Variants in GRM8 observed in about 807,000 individuals in gnomAD.
GRM8 encodes the protein glutamate metabotropic receptor 8.
In GRM8, 47 loss-of-function variants were observed where a neutral mutation model predicts 87.2. That is an observed-to-expected ratio of 0.54 (90% confidence interval 0.43 to 0.69). The LOEUF is 0.69. GRM8 is among the 30% of genes least tolerant of loss of function. The pLI is 0.00. For synonymous variants in GRM8, 396 were observed against 404.5 expected (o/e 0.98, Z 0.25); for missense variants, 1,019 against 1,139.2 (o/e 0.89, Z 1.52).
Position 126,895,542 on chromosome 7 carries a change from C to A in GRM8, c.1156+7000G>T, listed in dbSNP as rs139292019. ...TCTAGAAATGCTGTTAGACATAGTG[C>A]TTCCCATATTGCTTTAAAATAGATA... On this transcript the variant is annotated intron_variant, in intron 6 of 10. Coordinates refer to ENST00000339582, the MANE Select transcript of GRM8 (RefSeq NM_000845.3). Among the ~76,000 whole-genome samples the A allele has an allele frequency of 3.0e-3, 450 of 152,174 alleles. 1 individual carries two copies. The highest frequency in any genetic ancestry group is 5.4e-3 in the Non-Finnish European group (365 of 67,972).
intron 3 of GRM8, among the ~76,000 whole-genome samples, chr7:126,929,057 A>G (rs1805456068): frequency 6.6e-6 from 1 of 152,198 alleles, no homozygotes; most frequent in Non-Finnish European, 1.5e-5. Context: ...CTCAGTATGG[A>G]AGGAGGAATT....
intron 7 of GRM8, among the ~76,000 whole-genome samples, chr7:126,718,624 T>C (rs1812025794): frequency 6.6e-6 from 1 of 152,206 alleles, no homozygotes. Flanking sequence ...ACATGTGAAC[T>C]TCAGACTTTC....
At chr7:126,783,237 C>T (rs977974625) in intron 6 of GRM8, among the ~76,000 whole-genome samples, 1 of 152,196 alleles carries the variant, frequency 6.6e-6, no homozygotes, top group Non-Finnish European at 1.5e-5. Flanking sequence ...CTTCTCTGAG[C>T]TCCTGCTGGG....
chr7:126,581,990 C>A (rs1317373806), intron 8 of GRM8, among the ~76,000 whole-genome samples: 2 of 152,030 alleles, frequency 1.3e-5, no homozygotes, highest in African/African-American at 4.8e-5. Context: ...TGAAATTAGG[C>A]CAACTACCAA....
intron 2 of GRM8, among the ~76,000 whole-genome samples, chr7:127,182,290 A>G (rs761074171): frequency 6.6e-6 from 1 of 152,122 alleles, no homozygotes; most frequent in African/African-American, 2.4e-5. Flanking sequence ...CAAAACCACA[A>G]TGTGATATCA....
intron 3 of GRM8, among the ~76,000 whole-genome samples, chr7:126,994,602 A>T (rs541469214): frequency 5.6e-4 from 86 of 152,252 alleles, no homozygotes; most frequent in Non-Finnish European, 7.4e-5. Context: ...GGTGGCCTGG[A>T]AAAACTCCCT....
At chr7:127,141,597 T>A (rs17866956) in intron 2 of GRM8, among the ~76,000 whole-genome samples, 1,971 of 152,294 alleles carry the variant, frequency 0.013, 42 homozygotes, top group African/African-American at 0.045. Flanking sequence ...CTTAATTGCA[T>A]CAATTTCTCT....
At chr7:126,953,871 A>T (rs938821890) in intron 3 of GRM8, among the ~76,000 whole-genome samples, 2 of 152,204 alleles carry the variant, frequency 1.3e-5, no homozygotes, top group African/African-American at 4.8e-5. Context: ...ACTTTATAAT[A>T]TGCATTTCTA....
Position 126,766,742 on chromosome 7 carries a change from G to A in GRM8, c.1357+3123C>T, listed in dbSNP as rs574789393. Among the ~76,000 whole-genome samples, 5 of 152,242 alleles carry A rather than the reference G, an allele frequency of 3.3e-5. No homozygotes were observed. In the South Asian group the frequency reaches 1.0e-3, roughly 32 times the overall value. On this transcript the variant is annotated intron_variant, in intron 7 of 10. Coordinates refer to ENST00000339582, the MANE Select transcript of GRM8 (RefSeq NM_000845.3). ...TCAGAAAATTAAAAATTGGTCCTGA[G>A]CAAACCTTGTTTTGGCCAATGGCCT...
At chr7:127,155,572 A>G (rs780077245) in intron 2 of GRM8, among the ~76,000 whole-genome samples, 4 of 152,150 alleles carry the variant, frequency 2.6e-5, no homozygotes, top group Admixed American at 6.5e-5. Flanking sequence ...AAGTGGACTG[A>G]GGTGGATATG....
At chr7:127,241,872 T>C (rs1303429832) in intron 2 of GRM8, among the ~76,000 whole-genome samples, 1 of 152,248 alleles carries the variant, frequency 6.6e-6, no homozygotes, top group Non-Finnish European at 1.5e-5. Flanking sequence ...AGACTACATA[T>C]TGGTTATTAA....
chr7:127,109,618 G>A (rs907799912), intron 2 of GRM8, among the ~76,000 whole-genome samples: 8 of 152,114 alleles, frequency 5.3e-5, no homozygotes, highest in Non-Finnish European at 1.2e-4. Flanking sequence ...GCTGTCTTTT[G>A]CTATTCCTGT....
At position 127,137,220 on chromosome 7, in the gene GRM8, T is replaced by C. The variant is rs17863223; in HGVS notation, c.511-30508A>G. On this transcript the variant is annotated intron_variant, in intron 2 of 10. Transcript: ENST00000339582. ...ACATACACATGCATAAACATACACA[T>C]ACACACACACACACACACATTCCAT... Among the ~76,000 whole-genome samples the C allele has an allele frequency of 2.1e-4, 31 of 149,888 alleles. No individual in the cohort carries two copies. In the South Asian group the frequency reaches 6.2e-3, roughly 30 times the overall value.
chr7:126,612,865 T>C (rs2151110582), intron 7 of GRM8, among the ~76,000 whole-genome samples: 1 of 152,368 alleles, frequency 6.6e-6, no homozygotes, highest in Middle Eastern at 3.4e-3. Flanking sequence ...CTGTCATCTT[T>C]TATATTCACA....
At chr7:127,123,395 A>T (rs1827192087) in intron 2 of GRM8, among the ~76,000 whole-genome samples, 1 of 151,932 alleles carries the variant, frequency 6.6e-6, no homozygotes, top group South Asian at 2.1e-4. Context: ...AGGTTGGGGG[A>T]GTGAGTTCTC....
At chr7:126,704,528 C>G (rs984465983) in intron 7 of GRM8, among the ~76,000 whole-genome samples, 1 of 152,138 alleles carries the variant, frequency 6.6e-6, no homozygotes, top group Non-Finnish European at 1.5e-5. Context: ...ACCAGTGAGC[C>G]GGGCGGAACA....
At chr7:126,603,723 G>C (rs1798058834) in intron 8 of GRM8, among the ~76,000 whole-genome samples, 1 of 152,046 alleles carries the variant, frequency 6.6e-6, no homozygotes, top group Non-Finnish European at 1.5e-5. Flanking sequence ...GAATATGTGT[G>C]TGTACATATA....
intron 3 of GRM8, among the ~76,000 whole-genome samples, chr7:127,078,845 C>A (rs551879786): frequency 6.6e-6 from 1 of 152,268 alleles, no homozygotes; most frequent in African/African-American, 2.4e-5. Flanking sequence ...AGTAATTTTC[C>A]AAAGCTTTGT....
At chr7:126,765,412 G>C (rs970511581) in intron 7 of GRM8, among the ~76,000 whole-genome samples, 7 of 151,982 alleles carry the variant, frequency 4.6e-5, no homozygotes, top group African/African-American at 1.4e-4. Flanking sequence ...TTCTCAAGTT[G>C]GTTGGTTACA....
Sources: gnomAD v4.1 joint callset for allele counts (sites outside exome capture counted in the v4.1 genomes callset) on GRCh38, gnomAD v4.1.1 for gene constraint, MANE v1.5 for transcripts, NCBI Gene and HGNC (gene_info 2026-07-23, HGNC 2026-07-21) for gene names.